NCK1: variants seen among roughly 807,000 people sequenced by gnomAD.
NCK1 encodes NCK adaptor protein 1.
A neutral mutation model predicts 36.6 loss-of-function variants in NCK1; 19 were observed. That is an observed-to-expected ratio of 0.52 (90% CI 0.36 to 0.76). The LOEUF (loss-of-function observed/expected upper bound fraction) is 0.76. Ranked by LOEUF, NCK1 falls within the 30% of genes least tolerant of loss-of-function variation. The probability of loss-of-function intolerance (pLI) is 0.00; values close to 1 mark genes in which losing one functional copy is unlikely to be tolerated. For synonymous variants in NCK1, 165 were observed against 156.0 expected (o/e 1.06, Z -0.43); for missense variants, 358 against 445.6 (o/e 0.80, Z 1.77).
At chr3:136,876,189 A>C (rs1348333675) in intron 1 of NCK1, among the ~76,000 whole-genome samples, 28 of 152,082 alleles carry the variant, frequency 1.8e-4, no homozygotes, top group East Asian at 1.2e-3. Context: ...TAAATGCCCA[A>C]AAGAGAAAGC....
intron 2 of NCK1, among the ~76,000 whole-genome samples, chr3:136,940,764 T>G (rs1940650773): frequency 6.6e-6 from 1 of 151,974 alleles, no homozygotes; most frequent in South Asian, 2.1e-4. Flanking sequence ...AGGCTAGTCT[T>G]GAACTCCTGA....
chr3:136,886,889 G>GCT (rs1939088566), intron 1 of NCK1, among the ~76,000 whole-genome samples: 1 of 150,386 alleles, frequency 6.6e-6, no homozygotes, highest in South Asian at 2.1e-4. Context: ...TATTGCCCAG[G>GCT]CTGGAATGCA....
chr3:136,880,615 A>G (rs1560033450), intron 1 of NCK1, among the ~76,000 whole-genome samples: 1 of 152,120 alleles, frequency 6.6e-6, no homozygotes. Flanking sequence ...TGAACTTAAG[A>G]CAATCAACAA....
rs977972920 is a variant in NCK1, at chr3:136,923,453, G to A, written c.-18-4531G>A. Among the ~76,000 whole-genome samples, 29 of 152,166 alleles carry A rather than the reference G, an allele frequency of 1.9e-4. 1 individual carries two copies. The highest frequency in any genetic ancestry group is 6.5e-4 in the African/African-American group (27 of 41,532). The stretch of plus-strand genomic sequence containing the variant: ...CACCTGTAGTCCCGGCTACTCGGAG[G>A]CTGAGGCAGGAGAATGCCATGAACC... On this transcript the variant is annotated intron_variant, in intron 1 of 3. Coordinates refer to ENST00000481752, the MANE Select transcript of NCK1 (RefSeq NM_001291999.2).
chr3:136,881,792 C>T (rs906919502), intron 1 of NCK1, among the ~76,000 whole-genome samples: 4 of 152,138 alleles, frequency 2.6e-5, no homozygotes, highest in African/African-American at 4.8e-5. Context: ...ATTGTCTTTC[C>T]GTGGCTGGCT....
At chr3:136,915,946 G>A (rs1560045813) in intron 1 of NCK1, among the ~76,000 whole-genome samples, 1 of 152,066 alleles carries the variant, frequency 6.6e-6, no homozygotes, top group South Asian at 2.1e-4. Context: ...TGCTGGTCTC[G>A]AACTCCTGAG....
At chr3:136,868,571 G>T (rs931795473) in intron 1 of NCK1, among the ~76,000 whole-genome samples, 6 of 152,106 alleles carry the variant, frequency 3.9e-5, no homozygotes, top group African/African-American at 1.2e-4. Context: ...CAGTTAATCA[G>T]CCTGCTTTGG....
rs1042542608 is a variant in NCK1, at chr3:136,950,123, A to G, written c.*1670A>G. Reference sequence around the variant, plus strand: ...TTATCTTTGCTGTAAAATCAAATGAATATAAATTGAGGAAAACTTTAAATT... The same window carrying G: ...TTATCTTTGCTGTAAAATCAAATGAGTATAAATTGAGGAAAACTTTAAATT... On this transcript the variant is annotated 3_prime_UTR_variant, in exon 4 of 4. Transcript: ENST00000481752. 6.6e-6 allele frequency among the ~76,000 whole-genome samples: 1 copy of G among 152,132 alleles called. No homozygotes were observed. The highest frequency in any genetic ancestry group is 2.4e-5 in the African/African-American group (1 of 41,436).
chr3:136,930,980 C>CT (rs34682748), intron 2 of NCK1, among the ~76,000 whole-genome samples: 32 of 149,354 alleles, frequency 2.1e-4, no homozygotes, highest in Admixed American at 1.4e-3. Context: ...TTGGAATTAA[C>CT]TTTTTTTTTT....
intron 3 of NCK1, 37 bp downstream of exon 3, chr3:136,946,332 C>A: frequency 6.6e-7 from 1 of 1,508,600 alleles, no homozygotes; most frequent in South Asian, 1.2e-5. Context: ...AAATAGAGCT[C>A]TGGGTATTTT....
chr3:136,925,522 G>A (rs1940215636), intron 1 of NCK1, among the ~76,000 whole-genome samples: 1 of 152,028 alleles, frequency 6.6e-6, no homozygotes. Flanking sequence ...CTTCCCTCCT[G>A]TTCCTGCTGC....
chr3:136,867,175 TCCTTCTTTCTTTCTTTTCTTTCTTTTC>T (rs1938469096), intron 1 of NCK1, among the ~76,000 whole-genome samples: 1 of 52,432 alleles, frequency 1.9e-5, no homozygotes, highest in Non-Finnish European at 4.0e-5. Context: ...CTTCCTTCCT[TCCTTCTTTCTTTCTTTTCTTTCTTTTC>T]CCTTCCTTCC....
intron 1 of NCK1, among the ~76,000 whole-genome samples, chr3:136,894,916 A>G (rs1276866416): frequency 6.6e-6 from 1 of 151,940 alleles, no homozygotes; most frequent in Non-Finnish European, 1.5e-5. Context: ...CTTGTTGCCC[A>G]GGCTAGAGTG....
At chr3:136,893,195 C>T (rs146137038) in intron 1 of NCK1, among the ~76,000 whole-genome samples, 1 of 13,576 alleles carries the variant, frequency 7.4e-5, no homozygotes, top group African/African-American at 2.0e-4. Context: ...TATATATACA[C>T]ACATGTGCAA....
At chr3:136,889,913 A>G (rs1182528484) in intron 1 of NCK1, among the ~76,000 whole-genome samples, 1 of 152,162 alleles carries the variant, frequency 6.6e-6, no homozygotes, top group Non-Finnish European at 1.5e-5. Flanking sequence ...AGGCCCCACC[A>G]GACTCAGGAG....
intron 1 of NCK1, among the ~76,000 whole-genome samples, chr3:136,919,768 A>G (rs1940058844): frequency 6.6e-6 from 1 of 152,198 alleles, no homozygotes; most frequent in Non-Finnish European, 1.5e-5. Flanking sequence ...TATATAGGTC[A>G]TGATAAATAT....
intron 1 of NCK1, among the ~76,000 whole-genome samples, chr3:136,885,325 C>G (rs1939049410): frequency 6.6e-6 from 1 of 152,126 alleles, no homozygotes; most frequent in Admixed American, 6.5e-5. Flanking sequence ...AGGGAATTGT[C>G]TTTTCCAGCT....
intron 1 of NCK1, among the ~76,000 whole-genome samples, chr3:136,925,213 C>T (rs1940207413): frequency 6.6e-6 from 1 of 152,096 alleles, no homozygotes; most frequent in Non-Finnish European, 1.5e-5. Context: ...ATACTTTTGT[C>T]ACCCTGATAG....
intron 1 of NCK1, among the ~76,000 whole-genome samples, chr3:136,878,450 A>G (rs568779811): frequency 6.6e-6 from 1 of 152,258 alleles, no homozygotes; most frequent in Admixed American, 6.5e-5. Flanking sequence ...TAAAGACCAC[A>G]TTGTATGATT....
Sources: gnomAD v4.1 joint callset for allele counts (sites outside exome capture counted in the v4.1 genomes callset) on GRCh38, gnomAD v4.1.1 for gene constraint, MANE v1.5 for transcripts, NCBI Gene and HGNC (gene_info 2026-07-23, HGNC 2026-07-21) for gene names.